VPS39: variants seen among roughly 807,000 people sequenced by gnomAD.
VPS39 encodes vam6/Vps39-like protein.
VPS39 carries 70 observed loss-of-function variants against 121.0 expected under a neutral mutation model. The ratio of observed to expected loss-of-function variants is 0.58; its 90% CI spans 0.48 to 0.71. The LOEUF (loss-of-function observed/expected upper bound fraction) is 0.71. Ranked by LOEUF, VPS39 falls within the 30% of genes least tolerant of loss-of-function variation. The pLI, the probability that VPS39 is intolerant of heterozygous loss-of-function variation, is 0.00. For missense variants in VPS39, 818 were observed against 1,051.5 expected (o/e 0.78, Z 3.07); for synonymous variants, 378 against 398.1 (o/e 0.95, Z 0.60).
chr15:42,197,765 C>T (rs537370214), intron 2 of VPS39, among the ~76,000 whole-genome samples: 21 of 152,092 alleles, frequency 1.4e-4, no homozygotes, highest in Non-Finnish European at 2.6e-4. Context: ...TTTTCTTGAC[C>T]CTATTATCCC....
intron 10 of VPS39, among the ~76,000 whole-genome samples, chr15:42,176,379 T>C (rs2049452017): frequency 6.6e-6 from 1 of 151,992 alleles, no homozygotes; most frequent in Non-Finnish European, 1.5e-5. Context: ...GTATACTAAA[T>C]ATGTTTATAT....
rs553029956 is a variant in VPS39, at chr15:42,187,469, A to G, written c.442-106T>C. 31 of 989,456 alleles carry G rather than the reference A, an allele frequency of 3.1e-5. No individual in the cohort carries two copies. The African/African-American group carries it at 3.8e-4, about 12-fold the overall frequency. The allele number at this position is 989,456 out of a possible 1,614,324, so 61.3% of individuals were successfully genotyped here. On this transcript the variant is annotated intron_variant, in intron 6 of 24. Transcript: ENST00000318006. Reference sequence around the variant, plus strand: ...ATTCTGCAAAACAACCCTCACCCTCATCGGGCACAATTCTACAGGCACAAG... The same window carrying G: ...ATTCTGCAAAACAACCCTCACCCTCGTCGGGCACAATTCTACAGGCACAAG...
chr15:42,195,291 T>C (rs2049913509), intron 2 of VPS39, among the ~76,000 whole-genome samples: 2 of 151,922 alleles, frequency 1.3e-5, no homozygotes, highest in Non-Finnish European at 2.9e-5. Flanking sequence ...AGTACAAAAA[T>C]TAACTGGGCA....
In VPS39 at chr15:42,166,897, A is replaced by ACCAG; in HGVS notation, c.1390_1393dup (p.Val465AlafsTer30). On this transcript the variant is annotated frameshift_variant, in exon 14 of 25. Coordinates refer to ENST00000318006, the MANE Select transcript of VPS39 (RefSeq NM_015289.5). LOFTEE classifies it high-confidence loss of function. ...GTTCTCCAGGCGTAGCAAGGGGGCC[A>ACCAG]CCAGGGCCACATTTGTCTGCAGAAA... 2 of 1,614,204 alleles carry ACCAG rather than the reference A, an allele frequency of 1.2e-6. No homozygotes were observed. The highest frequency in any genetic ancestry group is 1.7e-6 in the Non-Finnish European group (2 of 1,180,032).
intron 7 of VPS39, among the ~76,000 whole-genome samples, chr15:42,185,735 G>C (rs755626045): frequency 6.6e-6 from 1 of 152,192 alleles, no homozygotes; most frequent in Non-Finnish European, 1.5e-5. Context: ...TCTAGGAACA[G>C]AAGGAGAGGC....
chr15:42,182,803 T>C (rs1566901373), intron 8 of VPS39, among the ~76,000 whole-genome samples: 1 of 152,228 alleles, frequency 6.6e-6, no homozygotes, highest in Non-Finnish European at 1.5e-5. Context: ...TGAGAAGCAC[T>C]GATGAAGGCC....
intron 11 of VPS39, chr15:42,173,500 G>T: frequency 2.2e-6 from 1 of 451,574 alleles, no homozygotes; most frequent in Non-Finnish European, 3.8e-6. Flanking sequence ...TATCATACTG[G>T]AAAATTGGGA....
intron 2 of VPS39, 55 bp from the exon 3 acceptor site, chr15:42,191,615 C>G: frequency 6.7e-7 from 1 of 1,494,936 alleles, no homozygotes. Context: ...CATAGAAAAA[C>G]CACTACTAGA....
intron 11 of VPS39, among the ~76,000 whole-genome samples, chr15:42,170,360 C>G (rs959138544): frequency 2.0e-5 from 3 of 152,074 alleles, no homozygotes; most frequent in Non-Finnish European, 4.4e-5. Flanking sequence ...TTTAAATTTG[C>G]TAGGCATGGT....
chr15:42,178,793 G>T, intron 8 of VPS39: 3 of 531,538 alleles, frequency 5.6e-6, no homozygotes, highest in Non-Finnish European at 9.8e-6. Context: ...ACGTAGGCCG[G>T]AAGTTTGAGA....
chr15:42,164,626 T>A (rs2049205967), intron 18 of VPS39, 140 bp from the exon 19 acceptor site: 7 of 1,446,564 alleles, frequency 4.8e-6, no homozygotes, highest in Non-Finnish European at 6.3e-6. Flanking sequence ...CATGCTAACT[T>A]CTTTTAGTTC....
intron 21 of VPS39, 101 bp from the exon 22 acceptor site, chr15:42,162,582 C>A: frequency 2.2e-6 from 3 of 1,349,456 alleles, no homozygotes; most frequent in Non-Finnish European, 2.9e-6. Context: ...CCTACAGTAA[C>A]AGCTATCACT....
chr15:42,162,222 GA>G, intron 22 of VPS39, 56 bp from the exon 23 acceptor site: 2 of 1,610,632 alleles, frequency 1.2e-6, no homozygotes, highest in Non-Finnish European at 8.5e-7. Flanking sequence ...TGAGAATGAA[GA>G]AATGTCTGCA....
At chr15:42,168,277 T>C (rs2049282870) in intron 12 of VPS39, among the ~76,000 whole-genome samples, 1 of 152,238 alleles carries the variant, frequency 6.6e-6, no homozygotes, top group Admixed American at 6.5e-5. Context: ...AGCTAAGACA[T>C]TGGCAGTGGA....
intron 24 of VPS39, 152 bp downstream of exon 24, chr15:42,161,530 G>T: frequency 1.2e-6 from 1 of 804,814 alleles, no homozygotes; most frequent in Non-Finnish European, 2.2e-6. Context: ...AGAACAGGCT[G>T]CTCTCTGAAG....
intron 17 of VPS39, 127 bp downstream of exon 17, chr15:42,165,591 G>GAAAT (rs752701524): frequency 3.1e-5 from 22 of 721,072 alleles, no homozygotes; most frequent in Non-Finnish European, 4.9e-5. Context: ...AGAGGAAGCT[G>GAAAT]AAATAACCCT....
At chr15:42,198,741 G>A (rs112539015) in intron 2 of VPS39, among the ~76,000 whole-genome samples, 8,988 of 152,186 alleles carry the variant, frequency 0.059, 383 homozygotes, top group South Asian at 0.16. Context: ...AGTTTTATTG[G>A]AACATAGCCA....
chr15:42,167,553 T>C lies in VPS39; in HGVS notation c.1234-16A>G. 6.2e-7 allele frequency: 1 copy of C among 1,613,750 alleles called. No individual in the cohort carries two copies. The highest frequency in any genetic ancestry group is 8.5e-7 in the Non-Finnish European group (1 of 1,179,764). Reference sequence around the variant, plus strand: ...GACTTCGTTTCTGCAAAGGTCAAAATGTGGGGTTAAGGCCAGGACTAAGTC... The same window carrying C: ...GACTTCGTTTCTGCAAAGGTCAAAACGTGGGGTTAAGGCCAGGACTAAGTC... On this transcript the variant is annotated splice_polypyrimidine_tract_variant and intron_variant, in intron 12 of 24. Transcript: ENST00000318006.
intron 8 of VPS39, chr15:42,184,092 C>T (rs1449722159): frequency 7.0e-6 from 1 of 143,088 alleles, no homozygotes; most frequent in Non-Finnish European, 1.5e-5. Flanking sequence ...ATAGAAAAAC[C>T]CTTCAACATG....
Sources: allele counts gnomAD v4.1 joint callset (sites outside exome capture counted in the v4.1 genomes callset), GRCh38; gene constraint gnomAD v4.1.1; transcripts MANE v1.5; gene names NCBI Gene and HGNC (gene_info 2026-07-23, HGNC 2026-07-21).